The following SEL1L2 variants were observed in gnomAD, a reference collection of about 807,000 sequenced individuals.
SEL1L2 encodes the protein protein sel-1 homolog 2.
A neutral mutation model predicts 98.8 loss-of-function variants in SEL1L2; 89 were observed. The ratio of observed to expected loss-of-function variants is 0.90; its 90% confidence interval spans 0.76 to 1.07. The LOEUF (loss-of-function observed/expected upper bound fraction) is 1.07, where lower values mean the gene tolerates loss of function less well. Ranked by LOEUF, SEL1L2 falls within the 50% of genes least tolerant of loss-of-function variation. SEL1L2 has a pLI of 0.00. For missense variants in SEL1L2, 788 were observed against 812.0 expected (o/e 0.97, Z 0.36); for synonymous variants, 262 against 278.5 (o/e 0.94, Z 0.59).
intron 5 of SEL1L2, among the ~76,000 whole-genome samples, chr20:13,889,413 G>C (rs1451229815): frequency 6.6e-6 from 1 of 152,162 alleles, no homozygotes; most frequent in African/African-American, 2.4e-5. Context: ...AATTCTTACT[G>C]TGCTTTAGTA....
At chr20:13,966,508 C>T (rs531871179) in intron 1 of SEL1L2, among the ~76,000 whole-genome samples, 3 of 151,930 alleles carry the variant, frequency 2.0e-5, no homozygotes, top group Non-Finnish European at 4.4e-5. Context: ...TTAGTAGAGA[C>T]GAGGTTTCAC....
intron 3 of SEL1L2, among the ~76,000 whole-genome samples, chr20:13,930,779 C>T (rs2148308039): frequency 6.6e-6 from 1 of 152,272 alleles, no homozygotes; most frequent in South Asian, 2.1e-4. Flanking sequence ...CTCCATAACC[C>T]ATGGTTCATA....
intron 18 of SEL1L2, among the ~76,000 whole-genome samples, chr20:13,856,360 C>T (rs1410383168): frequency 6.6e-6 from 1 of 152,134 alleles, no homozygotes; most frequent in Non-Finnish European, 1.5e-5. Context: ...AAACTCCTGA[C>T]CTCAAGTGAT....
intron 1 of SEL1L2, among the ~76,000 whole-genome samples, chr20:13,981,673 G>GA (rs1228380597): frequency 1.3e-5 from 2 of 152,164 alleles, no homozygotes; most frequent in Non-Finnish European, 1.5e-5. Flanking sequence ...ACTCACAAAA[G>GA]AGAAATGTGC....
At chr20:13,930,323 C>A (rs1476125513) in intron 3 of SEL1L2, among the ~76,000 whole-genome samples, 1 of 152,344 alleles carries the variant, frequency 6.6e-6, no homozygotes, top group Non-Finnish European at 1.5e-5. Context: ...TGACTTGAGA[C>A]CATAGTTCTG....
chr20:13,877,949 A>T (rs997161968), intron 10 of SEL1L2, among the ~76,000 whole-genome samples: 3 of 152,230 alleles, frequency 2.0e-5, no homozygotes, highest in African/African-American at 4.8e-5. Context: ...TTCTCTGTTG[A>T]CACTGTGTAC....
intron 10 of SEL1L2, among the ~76,000 whole-genome samples, chr20:13,882,812 C>CTTTTTTTTTTTT (rs759286946): frequency 9.3e-6 from 1 of 107,246 alleles, no homozygotes; most frequent in Non-Finnish European, 1.8e-5. Context: ...GTCAATTTGT[C>CTTTTTTTTTTTT]TTTTTTTTTT....
In SEL1L2 at chr20:13,869,554, C is replaced by T. The variant is rs765408109; in HGVS notation, c.1204G>A (p.Ala402Thr). Residue 402 changes from alanine (A) to threonine (T), a missense_variant, in exon 14 of 20, where the codon GCG becomes ACG. Coordinates refer to ENST00000284951, the MANE Select transcript of SEL1L2 (RefSeq NM_025229.2). Reference protein sequence around the residue: ...AEALKYFQKAAEKGWPDAQFQ... With the variant: ...AEALKYFQKATEKGWPDAQFQ... ...TGTGCGTCGGGCCACCCTTTTTCCG[C>T]AGCTTTCTGAAAGTATTTAAGTGCT... The T allele has an allele frequency of 1.5e-5, 24 of 1,614,006 alleles. No homozygotes were observed. Among genetic ancestry groups the T allele is most frequent in the South Asian group, 2.2e-5 (2 of 91,078 alleles).
rs191399753 is a variant in SEL1L2, at chr20:13,877,502, T to A, written c.1026+18A>T. 50 of 1,588,368 alleles carry A rather than the reference T, an allele frequency of 3.1e-5. No homozygotes were observed. In the Admixed American group the frequency reaches 7.9e-4, roughly 25 times the overall value. On this transcript the variant is annotated intron_variant, in intron 11 of 19. Transcript: ENST00000284951. ...GTTTTTAATAAATGAAAACAATGAA[T>A]CAAGATGAAGCATGTACCTTTCCTA... is the stretch of plus-strand genomic sequence containing the variant.
At chr20:13,946,528 C>T (rs2148398997) in intron 2 of SEL1L2, among the ~76,000 whole-genome samples, 1 of 152,322 alleles carries the variant, frequency 6.6e-6, no homozygotes, top group African/African-American at 2.4e-5. Context: ...GGTGGCCCAC[C>T]TGGAGCAGCC....
chr20:13,888,043 T>A lies in SEL1L2; in HGVS notation c.604-42A>T, dbSNP rs766078623. On this transcript the variant is annotated intron_variant, in intron 6 of 19. Transcript: ENST00000284951. ...CAAACAAAAAACCCCCCAAACCAGG[T>A]TGGCCATTTAAATTTGAAACTCAAA... The A allele has an allele frequency of 1.0e-5, 16 of 1,570,480 alleles. No homozygotes were observed. In the Admixed American group the frequency reaches 2.8e-4, roughly 28 times the overall value.
intron 17 of SEL1L2, among the ~76,000 whole-genome samples, chr20:13,862,740 T>G (rs1205148768): frequency 6.6e-6 from 1 of 152,002 alleles, no homozygotes; most frequent in Non-Finnish European, 1.5e-5. Context: ...CAGGCTGGAG[T>G]GCAGTGATGT....
In SEL1L2 at chr20:13,873,640, G is replaced by A. The variant is rs62207663; in HGVS notation, c.1104+2398C>T. The stretch of plus-strand genomic sequence containing the variant: ...CTCCCAAAGTGTTGGGATTACAGGC[G>A]TGATCCACCATGCCTGGCCAGTTTA... On this transcript the variant is annotated intron_variant, in intron 12 of 19. Transcript: ENST00000284951. 3.5e-3 allele frequency among the ~76,000 whole-genome samples: 530 copies of A among 152,226 alleles called. 1 individual carries two copies. The highest frequency in any genetic ancestry group is 5.2e-3 in the South Asian group (25 of 4,822).
rs559016043 is a variant in SEL1L2, at chr20:13,980,730, C to T, written c.58+9747G>A. 5.9e-5 allele frequency among the ~76,000 whole-genome samples: 9 copies of T among 152,242 alleles called. No homozygotes were observed. In the South Asian group the frequency reaches 1.9e-3, roughly 32 times the overall value. Reference sequence around the variant, plus strand: ...ATTTACAATAGTCAGGATATGGAAACAACCTAAGTGTCCATCAATGGATGA... The same window carrying T: ...ATTTACAATAGTCAGGATATGGAAATAACCTAAGTGTCCATCAATGGATGA... On this transcript the variant is annotated intron_variant, in intron 1 of 19. Coordinates refer to ENST00000284951, the MANE Select transcript of SEL1L2 (RefSeq NM_025229.2).
chr20:13,890,988 A>T (rs1055047809), intron 5 of SEL1L2, among the ~76,000 whole-genome samples: 1 of 152,154 alleles, frequency 6.6e-6, no homozygotes, highest in Non-Finnish European at 1.5e-5. Flanking sequence ...GGAATGAAGA[A>T]AAGTAAAGAA....
At chr20:13,942,356 A>G (rs1325727575) in intron 2 of SEL1L2, among the ~76,000 whole-genome samples, 1 of 152,324 alleles carries the variant, frequency 6.6e-6, no homozygotes, top group Middle Eastern at 3.4e-3. Context: ...CAAGTGAAAA[A>G]CAAAGAAAAT....
intron 2 of SEL1L2, among the ~76,000 whole-genome samples, chr20:13,939,042 T>G (rs75259636): frequency 0.38 from 14,390 of 38,068 alleles, 2,177 homozygotes; most frequent in African/African-American, 0.43. Context: ...CTTGTTTTGT[T>G]TTTTTTTTTT....
chr20:13,894,044 C>T (rs1197501644), intron 5 of SEL1L2, among the ~76,000 whole-genome samples: 1 of 151,906 alleles, frequency 6.6e-6, no homozygotes, highest in Non-Finnish European at 1.5e-5. Context: ...CCATAAGATG[C>T]TAAGAGGGAA....
chr20:13,972,741 GT>G (rs2051342038), intron 1 of SEL1L2, among the ~76,000 whole-genome samples: 1 of 152,164 alleles, frequency 6.6e-6, no homozygotes, highest in Admixed American at 6.5e-5. Context: ...TATACTCAGT[GT>G]GGCTAAAGAA....
Sources: allele counts gnomAD v4.1 joint callset (sites outside exome capture counted in the v4.1 genomes callset), GRCh38; gene constraint gnomAD v4.1.1; transcripts MANE v1.5; gene names NCBI Gene and HGNC (gene_info 2026-07-23, HGNC 2026-07-21).